Variants in EEA1 observed in about 807,000 individuals in gnomAD.
EEA1 encodes the protein early endosome antigen 1, 162kD.
Under a neutral mutation model 209.2 loss-of-function variants are expected in EEA1, and 111 were observed. That is an observed-to-expected ratio of 0.53 (90% CI 0.45 to 0.62). EEA1 has a LOEUF of 0.62. EEA1 is among the 20% of genes least tolerant of loss of function. EEA1 has a pLI of 0.00. For synonymous variants in EEA1, 536 were observed against 540.6 expected, an observed-to-expected ratio of 0.99 and a Z score of 0.12; for missense variants, 1,343 against 1,530.8, an observed-to-expected ratio of 0.88 and a Z score of 2.05.
In EEA1 at chr12:92,772,516, GA is replaced by G; in HGVS notation, c.*3494del. On this transcript the variant is annotated 3_prime_UTR_variant, in exon 29 of 29. Transcript: ENST00000322349. ...ATAGTCACAGAATACAACTAGTTTA[GA>G]AAGAAATGTTTTTAATATAATATTT... 6.6e-6 allele frequency: 1 copy of G among 151,642 alleles called. No homozygotes were observed. Among genetic ancestry groups the G allele is most frequent in the Middle Eastern group, 3.2e-3 (1 of 316 alleles). 9.4% of individuals were successfully genotyped at this position (151,642 alleles called of 1,614,324 possible). A position where few individuals can be genotyped will look rare whatever the true frequency, so the allele number is the denominator to read the frequency against.
intron 14 of EEA1, 136 bp from the exon 15 acceptor site, chr12:92,816,536 A>C (rs12322701): frequency 0.11 from 72,905 of 677,070 alleles, 4,800 homozygotes; most frequent in South Asian, 0.19. Flanking sequence ...AAAATTATTC[A>C]CTTGCCAAAA....
intron 18 of EEA1, among the ~76,000 whole-genome samples, chr12:92,808,605 A>G (rs182202909): frequency 6.6e-6 from 1 of 152,048 alleles, no homozygotes; most frequent in East Asian, 1.9e-4. Context: ...TGAGAAGATC[A>G]CTTCTTATAA....
In EEA1 at chr12:92,911,557, G is replaced by A. The variant is rs149616716; in HGVS notation, c.24+17486C>T. 5.8e-3 allele frequency among the ~76,000 whole-genome samples: 879 copies of A among 152,216 alleles called. 6 individuals are homozygous for A. Among genetic ancestry groups the A allele is most frequent in the African/African-American group, 0.02 (830 of 41,526 alleles). ...AAAGTACTCTGTATGGTATTATAAC[G>A]GTAGATACTAAAAATTTGTCCCAAA... is the stretch of plus-strand genomic sequence containing the variant. On this transcript the variant is annotated intron_variant, in intron 1 of 28. Transcript: ENST00000322349.
chr12:92,814,615 A>G (rs981174979), intron 15 of EEA1, among the ~76,000 whole-genome samples: 1 of 147,544 alleles, frequency 6.8e-6, no homozygotes, highest in Non-Finnish European at 1.5e-5. Context: ...GCGGGGGGGG[A>G]AATGTGGCTA....
chr12:92,781,274 C>T (rs1309573913), intron 23 of EEA1, among the ~76,000 whole-genome samples: 1 of 152,152 alleles, frequency 6.6e-6, no homozygotes, highest in Non-Finnish European at 1.5e-5. Flanking sequence ...TTCATTCCAG[C>T]TTCACCATCA....
At position 92,777,629 on chromosome 12, in the gene EEA1, G is replaced by A; in HGVS notation, c.3928C>T (p.Gln1310Ter). The A allele has an allele frequency of 6.2e-7, 1 of 1,612,004 alleles. No individual in the cohort carries two copies. The highest frequency in any genetic ancestry group is 8.5e-7 in the Non-Finnish European group (1 of 1,178,772). Residue 1310 changes from glutamine to a stop codon, truncating the protein, a stop_gained, in exon 27 of 29, where the codon CAA (glutamine) becomes TAA (stop). Coordinates refer to ENST00000322349, the MANE Select transcript of EEA1 (RefSeq NM_003566.4). LOFTEE classifies it high-confidence loss of function. Reference sequence around the variant, plus strand: ...CTTTGCAATTCTAATACTTTGGTTTGAAGCTTTTCTATTTCACCTTCTCCT... The same window carrying A: ...CTTTGCAATTCTAATACTTTGGTTTAAAGCTTTTCTATTTCACCTTCTCCT... ...LKGEGEIEKLQTKVLELQRKL... is the reference protein window; with the variant it reads ...LKGEGEIEKL
At chr12:92,831,343 T>C (rs1197680098) in intron 11 of EEA1, among the ~76,000 whole-genome samples, 1 of 151,368 alleles carries the variant, frequency 6.6e-6, no homozygotes, top group Non-Finnish European at 1.5e-5. Flanking sequence ...AGTCAAAACT[T>C]GCATTAAACT....
chr12:92,881,151 C>T (rs754351371), intron 2 of EEA1, among the ~76,000 whole-genome samples: 5 of 152,094 alleles, frequency 3.3e-5, no homozygotes, highest in Admixed American at 6.6e-5. Flanking sequence ...TGCCTGTAAT[C>T]CCAGCACTTT....
At chr12:92,855,755 T>C (rs140957346) in intron 5 of EEA1, among the ~76,000 whole-genome samples, 2,389 of 152,310 alleles carry the variant, frequency 0.016, 32 homozygotes, top group Non-Finnish European at 0.024. Flanking sequence ...CCCCAAAAGG[T>C]AAATTTCCTG....
Position 92,902,758 on chromosome 12 carries a change from AG to A in EEA1, c.25-11038del, listed in dbSNP as rs753160419. Among the ~76,000 whole-genome samples the A allele has an allele frequency of 6.3e-3, 935 of 148,232 alleles. 6 individuals carry two copies. The highest frequency in any genetic ancestry group is 9.5e-3 in the Admixed American group (142 of 14,870). On this transcript the variant is annotated intron_variant, in intron 1 of 28. Transcript: ENST00000322349. Reference sequence around the variant, plus strand: ...TCTGTCTTAAAAAAAAAAAAAAAAAAGGCTGTAAATCCTGCCACACACTGTT... The same window carrying A: ...TCTGTCTTAAAAAAAAAAAAAAAAAAGCTGTAAATCCTGCCACACACTGTT...
chr12:92,794,041 C>A (rs1874536212), intron 21 of EEA1, among the ~76,000 whole-genome samples: 2 of 152,146 alleles, frequency 1.3e-5, no homozygotes, highest in East Asian at 3.9e-4. Context: ...AAGAAAAAAA[C>A]AAACAACCCC....
intron 2 of EEA1, among the ~76,000 whole-genome samples, chr12:92,867,342 G>A (rs1189646099): frequency 6.6e-6 from 1 of 151,920 alleles, no homozygotes; most frequent in Non-Finnish European, 1.5e-5. Flanking sequence ...ACAGCATATT[G>A]GATTTTTTTC....
At chr12:92,850,414 G>A (rs567755594) in intron 9 of EEA1, among the ~76,000 whole-genome samples, 1 of 152,252 alleles carries the variant, frequency 6.6e-6, no homozygotes, top group African/African-American at 2.4e-5. Flanking sequence ...TTATGGCCGG[G>A]TGCAGTGGCT....
At chr12:92,808,571 G>A (rs889434769) in intron 18 of EEA1, among the ~76,000 whole-genome samples, 1 of 151,256 alleles carries the variant, frequency 6.6e-6, no homozygotes, top group African/African-American at 2.4e-5. Context: ...CCAAGCTCAA[G>A]CAATCTTGCT....
At chr12:92,917,025 G>A (rs1344293432) in intron 1 of EEA1, among the ~76,000 whole-genome samples, 1 of 151,060 alleles carries the variant, frequency 6.6e-6, no homozygotes, top group East Asian at 1.9e-4. Flanking sequence ...GAAATGAAGT[G>A]AGAAGGGAAG....
At chr12:92,827,487 G>C (rs7955544) in intron 12 of EEA1, among the ~76,000 whole-genome samples, 40,361 of 152,202 alleles carry the variant, frequency 0.27, 5,597 homozygotes, top group African/African-American at 0.31. Context: ...AGTCTAATGA[G>C]GGACAGCATT....
chr12:92,922,595 T>C (rs1881048705), intron 1 of EEA1, among the ~76,000 whole-genome samples: 1 of 152,174 alleles, frequency 6.6e-6, no homozygotes, highest in African/African-American at 2.4e-5. Flanking sequence ...CAATATATAC[T>C]ACTGAAAAAC....
chr12:92,779,057 CACTGGATTGATTTAAAGCTCT>C, intron 25 of EEA1, 37 bp downstream of exon 25: 1 of 1,439,568 alleles, frequency 6.9e-7, no homozygotes, highest in Non-Finnish European at 9.4e-7. Context: ...ACAGTCCTCT[CACTGGATTGATTTAAAGCTCT>C]ACTGCAAAAC....
Position 92,921,192 on chromosome 12 carries a change from G to A in EEA1, c.24+7851C>T, listed in dbSNP as rs1371776819. On this transcript the variant is annotated intron_variant, in intron 1 of 28. Transcript: ENST00000322349. ...CAACCATTGTGGAAGTCAGTGTGGC[G>A]ATTCCTCAGGGATCTAGAACTAGAA... 2.7e-5 allele frequency among the ~76,000 whole-genome samples: 4 copies of A among 146,548 alleles called. No individual in the cohort carries two copies. The South Asian group carries it at 6.6e-4, about 24-fold the overall frequency.
Sources: allele counts gnomAD v4.1 joint callset (sites outside exome capture counted in the v4.1 genomes callset), GRCh38; gene constraint gnomAD v4.1.1; transcripts MANE v1.5; gene names NCBI Gene and HGNC (gene_info 2026-07-23, HGNC 2026-07-21).